The following ZZZ3 variants were observed in gnomAD, a reference collection of about 807,000 sequenced individuals.
The protein encoded by ZZZ3 is ZZ-type zinc finger-containing protein 3.
In ZZZ3, 22 loss-of-function variants were observed where a neutral mutation model predicts 95.2. That is an observed-to-expected ratio of 0.23 (90% CI 0.17 to 0.33). The LOEUF (loss-of-function observed/expected upper bound fraction) is 0.33, where lower values mean the gene tolerates loss of function less well. Ranked by LOEUF, ZZZ3 falls within the 10% of genes least tolerant of loss-of-function variation. The pLI, the probability that ZZZ3 is intolerant of heterozygous loss-of-function variation, is 1.00. For synonymous variants in ZZZ3, 335 were observed against 358.9 expected, an observed-to-expected ratio of 0.93 and a Z score of 0.75; for missense variants, 885 against 1,066.5, an observed-to-expected ratio of 0.83 and a Z score of 2.37.
intron 6 of ZZZ3, among the ~76,000 whole-genome samples, chr1:77,583,369 C>CT (rs936060310): frequency 2.6e-5 from 4 of 152,176 alleles, no homozygotes; most frequent in South Asian, 4.2e-4. Context: ...AGTCTTATAT[C>CT]TTTTTGTACC....
At chr1:77,603,922 G>A (rs961572088) in intron 5 of ZZZ3, among the ~76,000 whole-genome samples, 2 of 152,160 alleles carry the variant, frequency 1.3e-5, no homozygotes, top group Non-Finnish European at 2.9e-5. Context: ...CAAGCACTTT[G>A]GGAGGCTGAT....
At chr1:77,572,673 G>C (rs562432440) in intron 12 of ZZZ3, among the ~76,000 whole-genome samples, 40 of 151,998 alleles carry the variant, frequency 2.6e-4, no homozygotes, top group African/African-American at 9.4e-4. Flanking sequence ...GTCTCCCTCT[G>C]TCGCCCAGGC....
At chr1:77,613,625 CT>C (rs1279034465) in intron 5 of ZZZ3, among the ~76,000 whole-genome samples, 2 of 151,870 alleles carry the variant, frequency 1.3e-5, no homozygotes, top group Non-Finnish European at 2.9e-5. Flanking sequence ...AGTAAAGAGA[CT>C]TTTTTAAAGG....
At chr1:77,621,688 G>A (rs1217647663) in intron 5 of ZZZ3, among the ~76,000 whole-genome samples, 3 of 151,776 alleles carry the variant, frequency 2.0e-5, no homozygotes, top group African/African-American at 7.2e-5. Context: ...GTGGTGGTAC[G>A]CACCTGTAGT....
intron 5 of ZZZ3, among the ~76,000 whole-genome samples, chr1:77,628,770 T>C (rs1301883867): frequency 2.0e-5 from 3 of 152,210 alleles, no homozygotes; most frequent in African/African-American, 7.2e-5. Flanking sequence ...ATGCTCAGTA[T>C]TTTCTATTAA....
intron 5 of ZZZ3, among the ~76,000 whole-genome samples, chr1:77,618,676 T>G (rs553532567): frequency 6.6e-6 from 1 of 152,352 alleles, no homozygotes; most frequent in East Asian, 1.9e-4. Context: ...TGAGATACTC[T>G]GAGTGAATTT....
intron 3 of ZZZ3, chr1:77,641,093 A>G (rs1186901788): frequency 2.0e-5 from 3 of 152,768 alleles, no homozygotes; most frequent in Non-Finnish European, 4.4e-5. Context: ...CTTATAACAG[A>G]CTCCAAGTGA....
intron 5 of ZZZ3, among the ~76,000 whole-genome samples, chr1:77,617,605 T>TACTAATG (rs1666436892): frequency 1.3e-5 from 2 of 152,124 alleles, no homozygotes; most frequent in East Asian, 3.8e-4. Context: ...AGTTCATGTT[T>TACTAATG]AAACACCTAT....
At chr1:77,649,303 T>C (rs1669585901) in intron 1 of ZZZ3, among the ~76,000 whole-genome samples, 1 of 151,692 alleles carries the variant, frequency 6.6e-6, no homozygotes, top group African/African-American at 2.4e-5. Flanking sequence ...GACAGCTGAC[T>C]TCTCGGTGGA....
intron 12 of ZZZ3, among the ~76,000 whole-genome samples, chr1:77,570,608 C>A (rs1347862458): frequency 6.6e-6 from 1 of 151,650 alleles, no homozygotes; most frequent in African/African-American, 2.4e-5. Flanking sequence ...CAATTTCACA[C>A]TTCATCTATC....
chr1:77,572,123 A>C (rs1268753102), intron 12 of ZZZ3, among the ~76,000 whole-genome samples: 1 of 152,206 alleles, frequency 6.6e-6, no homozygotes, highest in African/African-American at 2.4e-5. Flanking sequence ...TAAAATCTAT[A>C]AACTTTTCCA....
chr1:77,626,657 A>G (rs1194510781), intron 5 of ZZZ3, among the ~76,000 whole-genome samples: 1 of 152,064 alleles, frequency 6.6e-6, no homozygotes, highest in East Asian at 1.9e-4. Context: ...TTAGAAAGCT[A>G]CCTCTCTCTT....
intron 5 of ZZZ3, among the ~76,000 whole-genome samples, chr1:77,627,388 TG>T (rs1667430295): frequency 6.6e-6 from 1 of 152,152 alleles, no homozygotes; most frequent in Admixed American, 6.5e-5. Flanking sequence ...ACTCCTCTAG[TG>T]ATTTTTAAGC....
chr1:77,592,692 G>A (rs1249070176), intron 5 of ZZZ3, among the ~76,000 whole-genome samples: 1 of 152,004 alleles, frequency 6.6e-6, no homozygotes, highest in Non-Finnish European at 1.5e-5. Context: ...ATGAGGTATA[G>A]GAAACTACAA....
intron 5 of ZZZ3, among the ~76,000 whole-genome samples, chr1:77,592,183 C>A (rs1382162169): frequency 6.6e-6 from 1 of 152,160 alleles, no homozygotes; most frequent in African/African-American, 2.4e-5. Context: ...TGGACTGGGA[C>A]ACAACTCCCT....
At chr1:77,578,921 G>A (rs760579590) in intron 10 of ZZZ3, 52 bp from the exon 11 acceptor site, 1 of 1,205,954 alleles carries the variant, frequency 8.3e-7, no homozygotes, top group South Asian at 1.8e-5. Flanking sequence ...TACAATACCT[G>A]AGTCGTTTTT....
intron 5 of ZZZ3, among the ~76,000 whole-genome samples, chr1:77,618,288 G>A (rs1404950598): frequency 9.6e-6 from 1 of 104,328 alleles, no homozygotes; most frequent in Non-Finnish European, 1.7e-5. Flanking sequence ...CCTGACAATT[G>A]ATAATTCGGC....
At chr1:77,614,063 G>T (rs926610251) in intron 5 of ZZZ3, among the ~76,000 whole-genome samples, 5 of 152,214 alleles carry the variant, frequency 3.3e-5, no homozygotes, top group Admixed American at 3.3e-4. Context: ...TCTCAGCTAA[G>T]GTCTTCCAGT....
At chr1:77,676,725 A>G (rs1672301510) in intron 1 of ZZZ3, among the ~76,000 whole-genome samples, 1 of 152,240 alleles carries the variant, frequency 6.6e-6, no homozygotes, top group Non-Finnish European at 1.5e-5. Context: ...AGAATCATCT[A>G]AAAACAATAT....
Sources: allele counts gnomAD v4.1 joint callset (sites outside exome capture counted in the v4.1 genomes callset), GRCh38; gene constraint gnomAD v4.1.1; transcripts MANE v1.5; gene names NCBI Gene and HGNC (gene_info 2026-07-23, HGNC 2026-07-21).